The following PPP1R12A variants were observed in gnomAD, a reference collection of about 807,000 sequenced individuals.
The protein encoded by PPP1R12A is protein phosphatase 1 regulatory subunit 12A, also known as myosin binding subunit.
In PPP1R12A, 19 loss-of-function variants were observed where a neutral mutation model predicts 139.6. The ratio of observed to expected loss-of-function variants is 0.14; its 90% CI spans 0.09 to 0.20. The LOEUF is 0.20. PPP1R12A is among the 10% of genes least tolerant of loss of function. PPP1R12A has a pLI of 1.00. For missense variants in PPP1R12A, 925 were observed against 1,211.5 expected (o/e 0.76, Z 3.51); for synonymous variants, 427 against 420.6 (o/e 1.02, Z -0.19).
At chr12:79,925,791 A>G (rs1887794279) in intron 1 of PPP1R12A, among the ~76,000 whole-genome samples, 1 of 152,260 alleles carries the variant, frequency 6.6e-6, no homozygotes, top group South Asian at 2.1e-4. Context: ...CAAAACACTA[A>G]TAAGGTCAGA....
intron 12 of PPP1R12A, 115 bp downstream of exon 12, chr12:79,807,111 T>A (rs10778690): frequency 1.7e-6 from 1 of 589,848 alleles, no homozygotes; most frequent in Non-Finnish European, 2.8e-6. Context: ...CAAAAACTCG[T>A]ATTTAATAAA....
rs1399893779 is a variant in PPP1R12A at position 79,775,715 on chromosome 12, AT to A, written c.*213del. On this transcript the variant is annotated 3_prime_UTR_variant, in exon 25 of 25. Coordinates refer to ENST00000450142, the MANE Select transcript of PPP1R12A (RefSeq NM_002480.3). ...GCATTAACATGAAACAATGGTCTTG[AT>A]TAAAAAAAAAAAACAAAAAACAAAC... 1 of 251,372 alleles carries A rather than the reference AT, an allele frequency of 4.0e-6. No individual in the cohort carries two copies. Among genetic ancestry groups the A allele is most frequent in the Non-Finnish European group, 6.5e-6 (1 of 154,684 alleles). The allele number at this position is 251,372 out of a possible 1,614,324, so 15.6% of individuals were successfully genotyped here.
chr12:79,916,902 TC>T (rs1349841182), intron 1 of PPP1R12A, among the ~76,000 whole-genome samples: 2 of 152,120 alleles, frequency 1.3e-5, no homozygotes, highest in African/African-American at 2.4e-5. Context: ...TTGAGATTTT[TC>T]TTTTTTTTTT....
chr12:79,899,186 T>G (rs1344110970), intron 1 of PPP1R12A, among the ~76,000 whole-genome samples: 2 of 150,980 alleles, frequency 1.3e-5, no homozygotes, highest in Non-Finnish European at 2.9e-5. Flanking sequence ...ATATTTCATT[T>G]TCTTTTGATG....
intron 1 of PPP1R12A, among the ~76,000 whole-genome samples, chr12:79,876,007 T>G (rs1883065709): frequency 6.6e-6 from 1 of 152,210 alleles, no homozygotes; most frequent in South Asian, 2.1e-4. Flanking sequence ...AAATGCCACT[T>G]CAACCTAAGA....
upstream of PPP1R12A, chr12:79,935,372 G>A (rs1384805565): frequency 5.0e-6 from 5 of 999,390 alleles, no homozygotes; most frequent in African/African-American, 1.7e-5. Context: ...AGGAAGCGGG[G>A]AAGGAAGGTT....
At chr12:79,807,121 A>G in intron 12 of PPP1R12A, 105 bp downstream of exon 12, 1 of 614,716 alleles carries the variant, frequency 1.6e-6, no homozygotes, top group Non-Finnish European at 2.7e-6. Context: ...TATTTAATAA[A>G]AACACATATT....
chr12:79,839,734 T>C (rs1054069494), intron 3 of PPP1R12A, among the ~76,000 whole-genome samples: 1 of 152,172 alleles, frequency 6.6e-6, no homozygotes, highest in Non-Finnish European at 1.5e-5. Flanking sequence ...TGATTGTAAG[T>C]TTCCTGATGT....
At chr12:79,906,265 T>C (rs1886102828) in intron 1 of PPP1R12A, among the ~76,000 whole-genome samples, 1 of 152,056 alleles carries the variant, frequency 6.6e-6, no homozygotes, top group South Asian at 2.1e-4. Flanking sequence ...ATAAGTGGGA[T>C]TAAAAAAACT....
intron 5 of PPP1R12A, among the ~76,000 whole-genome samples, chr12:79,826,253 T>G (rs1395951660): frequency 1.3e-5 from 2 of 151,816 alleles, no homozygotes; most frequent in Non-Finnish European, 2.9e-5. Context: ...CACAGGGTCG[T>G]TAAAAGAATT....
chr12:79,933,915 CTTCTCT>C (rs1200358292), intron 1 of PPP1R12A, among the ~76,000 whole-genome samples: 1 of 152,254 alleles, frequency 6.6e-6, no homozygotes, highest in East Asian at 1.9e-4. Flanking sequence ...CCTATTTATT[CTTCTCT>C]TTCTAACACC....
intron 18 of PPP1R12A, among the ~76,000 whole-genome samples, 168 bp downstream of exon 18, chr12:79,795,470 T>C (rs965306615): frequency 6.6e-6 from 1 of 152,178 alleles, no homozygotes; most frequent in Non-Finnish European, 1.5e-5. Flanking sequence ...TCTAAGTAGT[T>C]AACTATCCTT....
In PPP1R12A at chr12:79,819,918, A is replaced by G. The variant is rs142669308; in HGVS notation, c.1114+856T>C. 2.7e-3 allele frequency among the ~76,000 whole-genome samples: 408 copies of G among 151,920 alleles called. 2 individuals carry two copies. Among genetic ancestry groups the G allele is most frequent in the African/African-American group, 9.6e-3 (394 of 41,256 alleles). On this transcript the variant is annotated intron_variant, in intron 8 of 24. Coordinates refer to ENST00000450142, the MANE Select transcript of PPP1R12A (RefSeq NM_002480.3). ...TGGAAACAGACATATTTAATAGAAT[A>G]CTATACAATAGCTAAAAAAAAAAAA...
At chr12:79,910,850 G>A (rs1270344794) in intron 1 of PPP1R12A, among the ~76,000 whole-genome samples, 1 of 152,192 alleles carries the variant, frequency 6.6e-6, no homozygotes, top group Non-Finnish European at 1.5e-5. Flanking sequence ...AAAAGGGAAA[G>A]TGGAAAGTAA....
rs781598967 is a variant in PPP1R12A, at chr12:79,806,234, G to A, written c.1755C>T (p.Ser585=). ...TAGTAGTGCTTGTGCTGGAAAGCAG[G>A]CTTTTCTGAAGCCCAGCTGCAGAGG... ...TVTSAAGLQK[S]LLSSTSTTTK... Residue 585 remains serine, a synonymous_variant, in exon 13 of 25, where the codon AGC becomes AGT. Transcript: ENST00000450142. The A allele has an allele frequency of 8.7e-6, 14 of 1,613,930 alleles. No individual in the cohort carries two copies. In the Admixed American group the frequency reaches 2.3e-4, roughly 27 times the overall value.
intron 24 of PPP1R12A, chr12:79,777,140 CT>C: frequency 1.1e-6 from 1 of 902,750 alleles, no homozygotes; most frequent in Non-Finnish European, 1.3e-6. Flanking sequence ...CATGCTTAAT[CT>C]TCAGCTTCAA....
rs1887760325 is a variant in PPP1R12A, at chr12:79,925,368, G to A, written c.237+9327C>T. Among the ~76,000 whole-genome samples the A allele has an allele frequency of 2.6e-5, 4 of 152,098 alleles. No individual in the cohort carries two copies. The South Asian group carries it at 8.3e-4, about 32-fold the overall frequency. Reference sequence around the variant, plus strand: ...CATCTCACAAAATGTATTCTCCTCTGCACTATGCAGTATTCAAGAAAATGA... The same window carrying A: ...CATCTCACAAAATGTATTCTCCTCTACACTATGCAGTATTCAAGAAAATGA... On this transcript the variant is annotated intron_variant, in intron 1 of 24. Coordinates refer to ENST00000450142, the MANE Select transcript of PPP1R12A (RefSeq NM_002480.3).
chr12:79,781,929 CTCTTT>C, intron 22 of PPP1R12A, 67 bp from the exon 23 acceptor site: 1 of 873,892 alleles, frequency 1.1e-6, no homozygotes, highest in South Asian at 1.7e-5. Context: ...CACAGTAATT[CTCTTT>C]TAATAGGTAT....
rs116966639 is a variant in PPP1R12A, at chr12:79,915,671, C to T, written c.237+19024G>A. On this transcript the variant is annotated intron_variant, in intron 1 of 24. Coordinates refer to ENST00000450142, the MANE Select transcript of PPP1R12A (RefSeq NM_002480.3). ...TCTTTTCATCTTATTATTTAAAACC[C>T]ACTATTTTATGCTTTTTGAAGTTCT... 1.1e-4 allele frequency among the ~76,000 whole-genome samples: 16 copies of T among 152,072 alleles called. No individual in the cohort carries two copies. The East Asian group carries it at 3.1e-3, about 29-fold the overall frequency.
Sources: allele counts gnomAD v4.1 joint callset (sites outside exome capture counted in the v4.1 genomes callset), GRCh38; gene constraint gnomAD v4.1.1; transcripts MANE v1.5; gene names NCBI Gene and HGNC (gene_info 2026-07-23, HGNC 2026-07-21).